Variants in IL1RAPL1 observed in about 807,000 individuals in gnomAD.
IL1RAPL1 encodes interleukin-1 receptor accessory protein-like 1.
A neutral mutation model predicts 48.4 loss-of-function variants in IL1RAPL1; 3 were observed. That is an observed-to-expected ratio of 0.06 (90% CI 0.03 to 0.16). IL1RAPL1 has a LOEUF of 0.16. Ranked by LOEUF, IL1RAPL1 falls within the 10% of genes least tolerant of loss-of-function variation. IL1RAPL1 has a pLI of 1.00. For missense variants in IL1RAPL1, 349 were observed against 530.6 expected, an observed-to-expected ratio of 0.66 and a Z score of 3.36; for synonymous variants, 185 against 187.7, an observed-to-expected ratio of 0.99 and a Z score of 0.12.
intron 2 of IL1RAPL1, among the ~76,000 whole-genome samples, chrX:29,062,201 G>C (rs1927356660): frequency 8.9e-6 from 1 of 112,255 alleles, no homozygotes; most frequent in Non-Finnish European, 1.9e-5. Context: ...GTAAAACACA[G>C]GTATAGTCTC....
intron 5 of IL1RAPL1, among the ~76,000 whole-genome samples, chrX:29,585,454 G>T (rs1602310811): frequency 8.9e-6 from 1 of 112,158 alleles, no homozygotes; most frequent in Admixed American, 9.4e-5. Flanking sequence ...CATTTAGGTT[G>T]TTTCCACATC....
chrX:28,801,524 C>G (rs777246596), intron 2 of IL1RAPL1, among the ~76,000 whole-genome samples: 1 of 111,443 alleles, frequency 9.0e-6, no homozygotes, highest in African/African-American at 3.3e-5. Context: ...TGTTAAGTAT[C>G]GTAAGTTCCA....
chrX:28,671,123 G>A (rs950329048), intron 1 of IL1RAPL1, among the ~76,000 whole-genome samples: 4 of 111,829 alleles, frequency 3.6e-5, no homozygotes, highest in African/African-American at 1.3e-4. Flanking sequence ...AAAGGGACAT[G>A]TTCATTTCAA....
rs139945903 is a variant in IL1RAPL1, at chrX:29,883,818, G to A, written c.779-33646G>A. Among the ~76,000 whole-genome samples, 568 of 112,479 alleles carry A rather than the reference G, an allele frequency of 5.0e-3. 2 individuals carry two copies. The highest frequency in any genetic ancestry group is 0.018 in the African/African-American group (549 of 31,022). ...ATGATTGAGTTTTAAGAACTGGCTT[G>A]TGTGCAAAGACTTTTCTTTGACGTG... On this transcript the variant is annotated intron_variant, in intron 6 of 10. Coordinates refer to ENST00000378993, the MANE Select transcript of IL1RAPL1 (RefSeq NM_014271.4).
chrX:29,703,413 G>A (rs1367991021), intron 6 of IL1RAPL1, among the ~76,000 whole-genome samples: 2 of 110,501 alleles, frequency 1.8e-5, no homozygotes, highest in African/African-American at 3.3e-5. Flanking sequence ...CGTGATCTCC[G>A]CTCACTGCAA....
chrX:29,790,359 C>G (rs774360056), intron 6 of IL1RAPL1, among the ~76,000 whole-genome samples: 1 of 111,201 alleles, frequency 9.0e-6, no homozygotes, highest in South Asian at 3.7e-4. Flanking sequence ...ATTCTTATTG[C>G]GAACTATAAA....
Position 29,428,266 on chromosome X carries a change from A to G in IL1RAPL1, c.703+28958A>G, listed in dbSNP as rs189183797. Among the ~76,000 whole-genome samples, 66 of 112,225 alleles carry G rather than the reference A, an allele frequency of 5.9e-4. No homozygotes were observed. In the East Asian group the frequency reaches 0.015, roughly 25 times the overall value. On this transcript the variant is annotated intron_variant, in intron 5 of 10. Coordinates refer to ENST00000378993, the MANE Select transcript of IL1RAPL1 (RefSeq NM_014271.4). ...GAAGTTGGTGACAAATTTATACTCT[A>G]GTAAGTATGTGGTTTACAGATAAGG...
chrX:29,000,399 C>A (rs1021576313), intron 2 of IL1RAPL1, among the ~76,000 whole-genome samples: 2 of 111,755 alleles, frequency 1.8e-5, no homozygotes, highest in Non-Finnish European at 3.8e-5. Flanking sequence ...TCTTTATTCT[C>A]CATTGCTCTC....
intron 2 of IL1RAPL1, among the ~76,000 whole-genome samples, chrX:28,894,968 G>C (rs1456997741): frequency 9.0e-6 from 1 of 110,980 alleles, no homozygotes; most frequent in African/African-American, 3.3e-5. Flanking sequence ...GAAGTAATGG[G>C]GGCTGTCTGT....
At chrX:28,760,371 G>A in intron 1 of IL1RAPL1, among the ~76,000 whole-genome samples, 1 of 111,437 alleles carries the variant, frequency 9.0e-6, no homozygotes, top group Admixed American at 9.6e-5. Flanking sequence ...AAAATGAATA[G>A]GAAACAGGGG....
At chrX:29,689,409 A>G (rs1377079186) in intron 6 of IL1RAPL1, among the ~76,000 whole-genome samples, 2 of 112,121 alleles carry the variant, frequency 1.8e-5, no homozygotes, top group Non-Finnish European at 3.8e-5. Context: ...GTTCACAAAA[A>G]TAAAAAATAA....
At chrX:29,533,040 C>T (rs936224360) in intron 5 of IL1RAPL1, among the ~76,000 whole-genome samples, 3 of 112,115 alleles carry the variant, frequency 2.7e-5, no homozygotes, top group Non-Finnish European at 5.6e-5. Flanking sequence ...TAATAAAAAC[C>T]TGGCAGAACT....
At chrX:29,497,696 A>T (rs755346800) in intron 5 of IL1RAPL1, among the ~76,000 whole-genome samples, 1 of 111,315 alleles carries the variant, frequency 9.0e-6, no homozygotes, top group African/African-American at 3.3e-5. Flanking sequence ...CTTCCACATT[A>T]AAACTGTGTA....
At chrX:29,328,167 T>C in intron 3 of IL1RAPL1, among the ~76,000 whole-genome samples, 1 of 112,133 alleles carries the variant, frequency 8.9e-6, no homozygotes, top group East Asian at 2.8e-4. Flanking sequence ...ACCAAAGTAA[T>C]CTACTATATA....
chrX:28,633,387 A>G (rs935039082), intron 1 of IL1RAPL1, among the ~76,000 whole-genome samples: 1 of 111,206 alleles, frequency 9.0e-6, no homozygotes, highest in Admixed American at 9.6e-5. Flanking sequence ...TTGGCATCCT[A>G]CTTTTGAAAG....
At chrX:29,371,473 T>C (rs1602200350) in intron 3 of IL1RAPL1, among the ~76,000 whole-genome samples, 1 of 111,237 alleles carries the variant, frequency 9.0e-6, no homozygotes, top group East Asian at 2.9e-4. Flanking sequence ...ATACAGGGGG[T>C]ACGTGTGCAT....
chrX:28,762,829 G>C (rs75381939), intron 1 of IL1RAPL1, among the ~76,000 whole-genome samples: 29 of 36,234 alleles, frequency 8.0e-4, no homozygotes, highest in African/African-American at 2.6e-3. Flanking sequence ...CACACAGAGA[G>C]AGAGAGAGAG....
intron 1 of IL1RAPL1, among the ~76,000 whole-genome samples, chrX:28,745,485 G>T (rs1338495774): frequency 9.0e-6 from 1 of 111,512 alleles, no homozygotes; most frequent in Non-Finnish European, 1.9e-5. Flanking sequence ...GGAATAAAAG[G>T]GATTTTTTTG....
At chrX:29,098,373 A>G (rs976322338) in intron 2 of IL1RAPL1, among the ~76,000 whole-genome samples, 3 of 112,161 alleles carry the variant, frequency 2.7e-5, no homozygotes, top group Non-Finnish European at 3.8e-5. Context: ...GTTTAAACAC[A>G]TATTGACCTC....
Sources: allele counts gnomAD v4.1 joint callset (sites outside exome capture counted in the v4.1 genomes callset), GRCh38; gene constraint gnomAD v4.1.1; transcripts MANE v1.5; gene names NCBI Gene and HGNC (gene_info 2026-07-23, HGNC 2026-07-21).